The following RGS7 variants were observed in gnomAD, a reference collection of about 807,000 sequenced individuals.
RGS7 encodes regulator of G protein signaling 7.
Under a neutral mutation model 81.1 loss-of-function variants are expected in RGS7, and 27 were observed. The observed-to-expected ratio is 0.33, with a 90% CI of 0.25 to 0.46. The LOEUF (loss-of-function observed/expected upper bound fraction) is 0.46, where lower values mean the gene tolerates loss of function less well. Among genes scored for constraint, RGS7 ranks in the 20% least tolerant of loss-of-function variants. The probability of loss-of-function intolerance (pLI) is 1.00; values close to 1 mark genes in which losing one functional copy is unlikely to be tolerated. For synonymous variants in RGS7, 208 were observed against 207.7 expected (o/e 1.00, Z -0.01); for missense variants, 396 against 607.4 (o/e 0.65, Z 3.66).
chr1:241,284,406 G>C (rs942381861), intron 2 of RGS7, among the ~76,000 whole-genome samples: 1 of 151,442 alleles, frequency 6.6e-6, no homozygotes, highest in African/African-American at 2.4e-5. Flanking sequence ...TGGCAGGGGG[G>C]GTTGTTCTGG....
In RGS7 at chr1:240,969,053, G is replaced by A. The variant is rs147187645; in HGVS notation, c.226+14026C>T. On this transcript the variant is annotated intron_variant, in intron 4 of 18. Transcript: ENST00000440928. ...CCGCTTCTGGGTAACAGATATAATCGTACATTTCTCTGTCATTTTCTGAGT... is the reference window on the plus strand; with the variant it reads ...CCGCTTCTGGGTAACAGATATAATCATACATTTCTCTGTCATTTTCTGAGT... Among the ~76,000 whole-genome samples, 4 of 152,222 alleles carry A rather than the reference G, an allele frequency of 2.6e-5. No individual in the cohort carries two copies. The East Asian group carries it at 5.8e-4, about 22-fold the overall frequency.
At chr1:240,791,146 A>G (rs1361550795) in intron 18 of RGS7, among the ~76,000 whole-genome samples, 5 of 152,224 alleles carry the variant, frequency 3.3e-5, no homozygotes, top group Non-Finnish European at 5.9e-5. Flanking sequence ...AGAGCATTCT[A>G]GAGAATGTGC....
chr1:241,317,072 C>T (rs545747594), intron 2 of RGS7, among the ~76,000 whole-genome samples: 27 of 152,276 alleles, frequency 1.8e-4, no homozygotes, highest in Non-Finnish European at 3.2e-4. Flanking sequence ...TTGCTGATTT[C>T]CCTGGGGTAA....
At chr1:241,294,004 A>G (rs925974893) in intron 2 of RGS7, among the ~76,000 whole-genome samples, 2 of 152,238 alleles carry the variant, frequency 1.3e-5, no homozygotes, top group African/African-American at 4.8e-5. Context: ...TGTTTATTGC[A>G]GCACTATTTA....
chr1:241,208,310 C>T (rs1321507550), intron 2 of RGS7, among the ~76,000 whole-genome samples: 1 of 152,100 alleles, frequency 6.6e-6, no homozygotes, highest in East Asian at 1.9e-4. Flanking sequence ...TAAGCCACGC[C>T]CTGACGATAG....
chr1:241,134,638 C>T (rs537223819), intron 2 of RGS7, among the ~76,000 whole-genome samples: 1 of 152,258 alleles, frequency 6.6e-6, no homozygotes, highest in South Asian at 2.1e-4. Flanking sequence ...ATAAAAGGCC[C>T]ACGAGGGAAA....
At chr1:241,162,348 T>C (rs2069790829) in intron 2 of RGS7, among the ~76,000 whole-genome samples, 1 of 152,082 alleles carries the variant, frequency 6.6e-6, no homozygotes, top group African/African-American at 2.4e-5. Context: ...GAAAAACGCC[T>C]CAAGTGAGCA....
At chr1:241,279,611 AATAT>A (rs2078395621) in intron 2 of RGS7, among the ~76,000 whole-genome samples, 1 of 152,212 alleles carries the variant, frequency 6.6e-6, no homozygotes, top group East Asian at 1.9e-4. Context: ...AGTATAGTAA[AATAT>A]CACAACCAGG....
intron 2 of RGS7, among the ~76,000 whole-genome samples, chr1:241,159,658 A>AG (rs1393863450): frequency 1.3e-5 from 2 of 152,272 alleles, no homozygotes; most frequent in African/African-American, 4.8e-5. Flanking sequence ...GGACCGAAGA[A>AG]GAAGAAAATA....
At chr1:240,827,741 G>A (rs1303102530) in intron 9 of RGS7, among the ~76,000 whole-genome samples, 1 of 151,816 alleles carries the variant, frequency 6.6e-6, no homozygotes, top group African/African-American at 2.4e-5. Flanking sequence ...GCGGGTGCCT[G>A]TAATCCCAGA....
At chr1:241,343,261 C>CA (rs35447784) in intron 2 of RGS7, among the ~76,000 whole-genome samples, 131,686 of 136,796 alleles carry the variant, frequency 0.96, 63,449 homozygotes, top group East Asian at 0.99. Flanking sequence ...GACTGTGTCT[C>CA]AAAAAAAAAA....
chr1:241,313,549 G>A (rs1414698240), intron 2 of RGS7, among the ~76,000 whole-genome samples: 2 of 152,216 alleles, frequency 1.3e-5, no homozygotes, highest in East Asian at 3.8e-4. Flanking sequence ...GAAGATCTAT[G>A]AAAAGATTAA....
intron 2 of RGS7, among the ~76,000 whole-genome samples, chr1:241,149,626 G>T (rs919733719): frequency 6.6e-6 from 1 of 152,144 alleles, no homozygotes; most frequent in African/African-American, 2.4e-5. Context: ...CTTTAAACCA[G>T]CAGTAGCTGT....
At chr1:241,139,912 T>G (rs2067807508) in intron 2 of RGS7, among the ~76,000 whole-genome samples, 1 of 152,266 alleles carries the variant, frequency 6.6e-6, no homozygotes, top group South Asian at 2.1e-4. Flanking sequence ...TTGGTGTTTA[T>G]AACCATCACC....
At chr1:240,834,180 C>G (rs1176067144) in intron 9 of RGS7, among the ~76,000 whole-genome samples, 1 of 152,204 alleles carries the variant, frequency 6.6e-6, no homozygotes, top group Non-Finnish European at 1.5e-5. Flanking sequence ...AGCCCTCCTC[C>G]TCCCGACCCA....
At chr1:241,092,558 A>C (rs1040744871) in intron 3 of RGS7, among the ~76,000 whole-genome samples, 2 of 152,228 alleles carry the variant, frequency 1.3e-5, no homozygotes, top group African/African-American at 4.8e-5. Flanking sequence ...ATTTTTAGCT[A>C]TATAGTTATT....
chr1:241,132,913 C>T (rs796284941), intron 2 of RGS7, among the ~76,000 whole-genome samples: 1 of 152,036 alleles, frequency 6.6e-6, no homozygotes, highest in Non-Finnish European at 1.5e-5. Flanking sequence ...CAGGTGCCCA[C>T]CACCAAGCCC....
chr1:240,838,939 G>A (rs529510282), intron 9 of RGS7, among the ~76,000 whole-genome samples: 2 of 151,806 alleles, frequency 1.3e-5, no homozygotes, highest in African/African-American at 4.8e-5. Context: ...AATTTTTTTT[G>A]TATTTTTAGT....
chr1:241,094,942 T>C (rs557202803), intron 3 of RGS7, among the ~76,000 whole-genome samples: 1 of 152,170 alleles, frequency 6.6e-6, no homozygotes, highest in Admixed American at 6.5e-5. Context: ...GCTATCAATC[T>C]TAGGGGCAAC....
Sources: gnomAD v4.1 joint callset for allele counts (sites outside exome capture counted in the v4.1 genomes callset) on GRCh38, gnomAD v4.1.1 for gene constraint, MANE v1.5 for transcripts, NCBI Gene and HGNC (gene_info 2026-07-23, HGNC 2026-07-21) for gene names.